The following SPIRE2 variants were observed in gnomAD, a reference collection of about 807,000 sequenced individuals.
The protein encoded by SPIRE2 is spire type actin nucleation factor 2.
In SPIRE2, 76 loss-of-function variants were observed where a neutral mutation model predicts 80.7. That is an observed-to-expected ratio of 0.94 (90% CI 0.78 to 1.14). SPIRE2 has a LOEUF of 1.14. Among genes scored for constraint, SPIRE2 ranks in the 50% most tolerant of loss-of-function variants. SPIRE2 has a pLI of 0.00. For synonymous variants in SPIRE2, 535 were observed against 432.6 expected (o/e 1.24, Z -2.94); for missense variants, 1,196 against 1,015.3 (o/e 1.18, Z -2.42).
In SPIRE2 at chr16:89,840,312, C is replaced by T. The variant is rs181542417; in HGVS notation, c.245-5010C>T. ...TCGTCCAGGCTGGAGTGCAGTGGCGCGATCTCGGCTCACTGCAAGCTCCAC... is the reference window on the plus strand; with the variant it reads ...TCGTCCAGGCTGGAGTGCAGTGGCGTGATCTCGGCTCACTGCAAGCTCCAC... On this transcript the variant is annotated intron_variant, in intron 1 of 14. Coordinates refer to ENST00000378247, the MANE Select transcript of SPIRE2 (RefSeq NM_032451.2). 2.7e-3 allele frequency among the ~76,000 whole-genome samples: 404 copies of T among 147,972 alleles called. 1 individual carries two copies. The highest frequency in any genetic ancestry group is 9.4e-3 in the African/African-American group (375 of 39,880).
intron 1 of SPIRE2, among the ~76,000 whole-genome samples, chr16:89,832,101 C>T (rs886546074): frequency 6.6e-6 from 1 of 152,244 alleles, no homozygotes; most frequent in Non-Finnish European, 1.5e-5. Flanking sequence ...GGAGTGATGG[C>T]AGCGCGTGCC....
chr16:89,855,087 C>T (rs887152596), intron 5 of SPIRE2, among the ~76,000 whole-genome samples: 6 of 152,260 alleles, frequency 3.9e-5, no homozygotes, highest in Non-Finnish European at 5.9e-5. Flanking sequence ...TACAGGCGCC[C>T]GCCACCACGC....
At chr16:89,857,714 G>A (rs10852627) in intron 7 of SPIRE2, among the ~76,000 whole-genome samples, 86,576 of 150,384 alleles carry the variant, frequency 0.58, 25,282 homozygotes, top group East Asian at 0.74. Context: ...GGGATTACAG[G>A]CACGCGCCAC....
In SPIRE2 at chr16:89,870,382, T is replaced by C. The variant is rs968267595; in HGVS notation, c.*110T>C. Reference sequence around the variant, plus strand: ...TACATATATAGATACATTTATAATATATACACACAGTCTATATATTTATAT... The same window carrying C: ...TACATATATAGATACATTTATAATACATACACACAGTCTATATATTTATAT... On this transcript the variant is annotated 3_prime_UTR_variant, in exon 15 of 15. Coordinates refer to ENST00000378247, the MANE Select transcript of SPIRE2 (RefSeq NM_032451.2). 2.9e-5 allele frequency: 19 copies of C among 646,562 alleles called. No homozygotes were observed. Among genetic ancestry groups the C allele is most frequent in the African/African-American group, 5.5e-5 (3 of 54,916 alleles). The allele number at this position is 646,562 out of a possible 1,614,324, so 40.1% of individuals were successfully genotyped here.
At position 89,858,328 on chromosome 16, in the gene SPIRE2, G is replaced by A. The variant is rs561735693; in HGVS notation, c.1103-10G>A. 5.2e-5 allele frequency: 81 copies of A among 1,571,866 alleles called. No individual in the cohort carries two copies. The highest frequency in any genetic ancestry group is 4.2e-4 in the East Asian group (18 of 42,854). ...ACTGGCCCGTCCTGCCTCGGCTCCCGTCTCCCCAGGGTTTGGCTCTCTGCC... is the reference window on the plus strand; with the variant it reads ...ACTGGCCCGTCCTGCCTCGGCTCCCATCTCCCCAGGGTTTGGCTCTCTGCC... On this transcript the variant is annotated splice_polypyrimidine_tract_variant and intron_variant, in intron 7 of 14. Transcript: ENST00000378247.
chr16:89,869,990 G>A, intron 14 of SPIRE2, 60 bp from the exon 15 acceptor site: 1 of 1,458,764 alleles, frequency 6.9e-7, no homozygotes, highest in South Asian at 1.2e-5. Context: ...GCACAAGCAG[G>A]GAGGGGGGTG....
intron 2 of SPIRE2, 58 bp from the exon 3 acceptor site, chr16:89,850,246 G>A (rs527269762): frequency 1.2e-5 from 18 of 1,505,240 alleles, no homozygotes; most frequent in African/African-American, 6.9e-5. Context: ...CACCAGCCGC[G>A]TTCTCCCCGC....
At position 89,858,495 on chromosome 16, in the gene SPIRE2, G is replaced by A; in HGVS notation, c.1260G>A (p.Met420Ile). 6.3e-7 allele frequency: 1 copy of A among 1,599,238 alleles called. No homozygotes were observed. The highest frequency in any genetic ancestry group is 1.3e-5 in the African/African-American group (1 of 74,524). ...CTACCTTGGCTGAAATGGAAGAGAT[G>A]AATACATCTGAGGTCAGAACCCATG... ...KAPTLAEMEEMNTSEEEESPC... is the reference protein window; with the variant it reads ...KAPTLAEMEEINTSEEEESPC... Residue 420 changes from methionine (M) to isoleucine (I), a missense_variant, in exon 8 of 15, where the codon ATG becomes ATA. Met to Ile is a conservative substitution (Grantham distance 10, BLOSUM62 1). Transcript: ENST00000378247.
chr16:89,856,306 G>C, intron 7 of SPIRE2, 70 bp downstream of exon 7: 1 of 1,481,536 alleles, frequency 6.7e-7, no homozygotes, highest in Non-Finnish European at 9.0e-7. Context: ...CCCCTGGTCA[G>C]GTTGCACATT....
chr16:89,869,053 A>AAAAAATATATATATATATATATAT, intron 13 of SPIRE2, among the ~76,000 whole-genome samples: 3 of 24,026 alleles, frequency 1.2e-4, no homozygotes, highest in East Asian at 6.2e-3. Flanking sequence ...AAAAAAAAAA[A>AAAAAATATATATATATATATATAT]ATATATATAT....
chr16:89,849,826 G>A (rs2041603850), intron 2 of SPIRE2: 1 of 289,292 alleles, frequency 3.5e-6, no homozygotes, highest in Non-Finnish European at 6.7e-6. Context: ...AATTTTTAAT[G>A]TGCTTTTAAA....
Position 89,871,189 on chromosome 16 carries a change from C to T in SPIRE2, c.*917C>T, listed in dbSNP as rs952837340. On this transcript the variant is annotated 3_prime_UTR_variant, in exon 15 of 15. Transcript: ENST00000378247. ...CTGCCTCTCCTGGCCCTACCACATT[C>T]TGGTGCTGTCCTCACTCGCCCCTGG... The T allele has an allele frequency of 6.6e-6, 1 of 152,610 alleles. No homozygotes were observed. The highest frequency in any genetic ancestry group is 1.5e-5 in the Non-Finnish European group (1 of 68,344). 9.5% of individuals were successfully genotyped at this position (152,610 alleles called of 1,614,324 possible).
chr16:89,853,910 C>T (rs1158530154), intron 3 of SPIRE2, among the ~76,000 whole-genome samples: 3 of 152,266 alleles, frequency 2.0e-5, no homozygotes. Context: ...TTCACCCAAG[C>T]CATGCACAAA....
At position 89,828,571 on chromosome 16, in the gene SPIRE2, CGGCGGCGCCGCGGCGGGCGCAG is replaced by C. The variant is rs887119832; in HGVS notation, c.28_49del (p.Ala10ArgfsTer12). 3 of 1,153,386 alleles carry C rather than the reference CGGCGGCGCCGCGGCGGGCGCAG, an allele frequency of 2.6e-6. No individual in the cohort carries two copies. The highest frequency in any genetic ancestry group is 3.2e-6 in the Non-Finnish European group (3 of 941,076). 71.4% of individuals were successfully genotyped at this position (1,153,386 alleles called of 1,614,324 possible). A position where few individuals can be genotyped will look rare whatever the true frequency, so the allele number is the denominator to read the frequency against. On this transcript the variant is annotated frameshift_variant, in exon 1 of 15. Transcript: ENST00000378247. LOFTEE classifies it high-confidence loss of function. This position sits in a 1 kb window ranked among gnomAD's most constrained non-coding sequence, Gnocchi z 5.9. ...CCGCCATGGCCCGGGCGGGCAGCTG[CGGCGGCGCCGCGGCGGGCGCAG>C]GGCGGCCGGAGCCCTGGGAGCTGTC...
At chr16:89,850,835 G>A (rs181291727) in intron 3 of SPIRE2, among the ~76,000 whole-genome samples, 175 bp downstream of exon 3, 1 of 151,594 alleles carries the variant, frequency 6.6e-6, no homozygotes, top group Non-Finnish European at 1.5e-5. Context: ...TTGTTTTTTT[G>A]TTGTTGTTGT....
At chr16:89,850,271 G>A (rs1049669311) in intron 2 of SPIRE2, 33 bp from the exon 3 acceptor site, 2 of 1,586,514 alleles carry the variant, frequency 1.3e-6, no homozygotes, top group Non-Finnish European at 1.7e-6. Context: ...CCCCCCTGCA[G>A]TACCGCCCAG....
At chr16:89,843,831 C>G (rs1228091313) in intron 1 of SPIRE2, among the ~76,000 whole-genome samples, 1 of 135,304 alleles carries the variant, frequency 7.4e-6, no homozygotes, top group Non-Finnish European at 1.6e-5. Flanking sequence ...TCCCGAGTAG[C>G]TAGGACTACA....
chr16:89,858,833 C>A (rs996627873), intron 8 of SPIRE2, among the ~76,000 whole-genome samples: 3 of 152,180 alleles, frequency 2.0e-5, no homozygotes, highest in Non-Finnish European at 4.4e-5. Flanking sequence ...GTGGACCCAG[C>A]GAGGCTCCCT....
chr16:89,836,390 G>A (rs1281296483), intron 1 of SPIRE2: 1 of 382,336 alleles, frequency 2.6e-6, no homozygotes, highest in Non-Finnish European at 5.3e-6. Context: ...GAATCTGAGG[G>A]AGTGCCCACA....
Sources: allele counts gnomAD v4.1 joint callset (sites outside exome capture counted in the v4.1 genomes callset), GRCh38; gene constraint gnomAD v4.1.1; non-coding constraint Gnocchi (gnomAD v3.1); transcripts MANE v1.5; gene names NCBI Gene and HGNC (gene_info 2026-07-23, HGNC 2026-07-21).